Variants in GRM1 observed in about 807,000 individuals in gnomAD.
GRM1 encodes the protein metabotropic glutamate receptor 1.
In GRM1, 33 loss-of-function variants were observed where a neutral mutation model predicts 90.9. The ratio of observed to expected loss-of-function variants is 0.36; its 90% CI spans 0.28 to 0.49. GRM1 has a LOEUF of 0.49. GRM1 is among the 20% of genes least tolerant of loss of function. The probability of loss-of-function intolerance (pLI) is 0.99; values close to 1 mark genes in which losing one functional copy is unlikely to be tolerated. For missense variants in GRM1, 1,190 were observed against 1,534.3 expected (o/e 0.78, Z 3.75); for synonymous variants, 700 against 613.2 (o/e 1.14, Z -2.09).
chr6:146,360,779 A>T (rs759694368), intron 5 of GRM1, among the ~76,000 whole-genome samples: 1 of 152,218 alleles, frequency 6.6e-6, no homozygotes, highest in Middle Eastern at 3.2e-3. Context: ...CTATGCAAGG[A>T]TTAATTGCTA....
chr6:146,254,507 T>G (rs1224334135), intron 2 of GRM1, among the ~76,000 whole-genome samples: 1 of 152,204 alleles, frequency 6.6e-6, no homozygotes, highest in East Asian at 1.9e-4. Context: ...TGACGTGTTT[T>G]GATCACAATC....
intron 1 of GRM1, among the ~76,000 whole-genome samples, chr6:146,095,554 C>T (rs1776847978): frequency 6.6e-6 from 1 of 152,106 alleles, no homozygotes; most frequent in South Asian, 2.1e-4. Flanking sequence ...GAAATATCTT[C>T]ATATTTCTTC....
Position 146,311,762 on chromosome 6 carries a change from T to C in GRM1, c.1186+6916T>C, listed in dbSNP as rs543413662. Among the ~76,000 whole-genome samples the C allele has an allele frequency of 3.3e-5, 5 of 152,324 alleles. No individual in the cohort carries two copies. In the South Asian group the frequency reaches 1.0e-3, roughly 32 times the overall value. On this transcript the variant is annotated intron_variant, in intron 3 of 7. Coordinates refer to ENST00000282753, the MANE Select transcript of GRM1 (RefSeq NM_001278064.2). ...TGATACATGAGTAACAGCATGAACT[T>C]ACAAATTGTGAAAAAAAATACTTTT...
At chr6:146,387,142 C>T (rs1466138629) in intron 6 of GRM1, 126 bp downstream of exon 6, 1 of 925,816 alleles carries the variant, frequency 1.1e-6, no homozygotes, top group Non-Finnish European at 1.8e-6. Flanking sequence ...CTTTTTAGTC[C>T]TCATGTCAAG....
chr6:146,180,858 G>A (rs974507025), intron 2 of GRM1, among the ~76,000 whole-genome samples: 1 of 152,038 alleles, frequency 6.6e-6, no homozygotes, highest in Non-Finnish European at 1.5e-5. Flanking sequence ...AAGCAAAGTC[G>A]ACTCTTGAAT....
At chr6:146,068,663 GGTACAGCCCATCCA>G in intron 1 of GRM1, among the ~76,000 whole-genome samples, 1 of 152,210 alleles carries the variant, frequency 6.6e-6, no homozygotes, top group East Asian at 1.9e-4. Context: ...ACAAACCTAT[GGTACAGCCCATCCA>G]GTTGAGAGTA....
intron 1 of GRM1, among the ~76,000 whole-genome samples, chr6:146,077,050 A>T (rs1776211033): frequency 6.6e-6 from 1 of 152,114 alleles, no homozygotes; most frequent in Non-Finnish European, 1.5e-5. Context: ...TGATAGTAGG[A>T]TATTTCGTTA....
intron 1 of GRM1, among the ~76,000 whole-genome samples, chr6:146,076,602 G>T (rs991543616): frequency 6.6e-6 from 1 of 152,182 alleles, no homozygotes; most frequent in Admixed American, 6.5e-5. Flanking sequence ...GGATGGAGTT[G>T]CACTGAGTGA....
At chr6:146,397,742 T>C (rs1312943480) in intron 6 of GRM1, among the ~76,000 whole-genome samples, 20 of 152,160 alleles carry the variant, frequency 1.3e-4, no homozygotes, top group Admixed American at 1.3e-3. Context: ...TGATCCTGCC[T>C]GAGTGATTAT....
intron 1 of GRM1, among the ~76,000 whole-genome samples, chr6:146,111,667 T>C (rs1775566496): frequency 6.6e-6 from 1 of 152,110 alleles, no homozygotes; most frequent in Non-Finnish European, 1.5e-5. Flanking sequence ...GATAGCCTGG[T>C]TTATTAGAGG....
intron 2 of GRM1, among the ~76,000 whole-genome samples, chr6:146,197,738 T>C (rs771458500): frequency 1.3e-5 from 2 of 152,250 alleles, no homozygotes; most frequent in Non-Finnish European, 2.9e-5. Context: ...GATTTTCTTT[T>C]CTATTTGTAA....
chr6:146,162,414 G>T (rs1248293647), intron 2 of GRM1, among the ~76,000 whole-genome samples: 1 of 152,098 alleles, frequency 6.6e-6, no homozygotes, highest in Non-Finnish European at 1.5e-5. Flanking sequence ...AACTCGTCTT[G>T]ACACTACCAT....
chr6:146,352,512 A>T lies in GRM1; in HGVS notation c.1433+16A>T. 6.2e-6 allele frequency: 10 copies of T among 1,612,814 alleles called. No individual in the cohort carries two copies. Among genetic ancestry groups the T allele is most frequent in the Non-Finnish European group, 8.5e-6 (10 of 1,179,372 alleles). Reference sequence around the variant, plus strand: ...CTCCTGGAAGGTAATCTTTTCAGTAATCAATCTAAGTAACCTTGTGAGCCT... The same window carrying T: ...CTCCTGGAAGGTAATCTTTTCAGTATTCAATCTAAGTAACCTTGTGAGCCT... On this transcript the variant is annotated intron_variant, in intron 4 of 7. Coordinates refer to ENST00000282753, the MANE Select transcript of GRM1 (RefSeq NM_001278064.2).
At chr6:146,213,449 A>G (rs1779748226) in intron 2 of GRM1, among the ~76,000 whole-genome samples, 3 of 152,206 alleles carry the variant, frequency 2.0e-5, no homozygotes, top group African/African-American at 7.2e-5. Flanking sequence ...TGCTTGTAGT[A>G]TAGATGACAG....
chr6:146,416,749 G>C (rs1373283523), intron 7 of GRM1, among the ~76,000 whole-genome samples: 2 of 152,068 alleles, frequency 1.3e-5, no homozygotes, highest in Non-Finnish European at 1.5e-5. Context: ...GCTATCCGGG[G>C]GTCCTGGCTG....
chr6:146,043,782 G>GATATTTATATATATATATAT (rs1791204004), intron 1 of GRM1, among the ~76,000 whole-genome samples: 1 of 89,984 alleles, frequency 1.1e-5, no homozygotes. Flanking sequence ...AGAGTCAGGT[G>GATATTTATATATATATATAT]ATATATATAT....
intron 7 of GRM1, among the ~76,000 whole-genome samples, chr6:146,428,738 A>G (rs575579041): frequency 6.6e-6 from 1 of 152,326 alleles, no homozygotes; most frequent in South Asian, 2.1e-4. Flanking sequence ...TGTCTTAAAT[A>G]GACTTTGGTA....
intron 7 of GRM1, among the ~76,000 whole-genome samples, chr6:146,405,655 T>C (rs907853456): frequency 2.6e-5 from 4 of 152,102 alleles, no homozygotes; most frequent in African/African-American, 9.7e-5. Flanking sequence ...ATAGAGGATA[T>C]AGATAGCAAT....
rs116884597 is a variant in GRM1 at position 146,112,440 on chromosome 6, G to A, written c.701-46908G>A. ...TGAGTTCTCTATTGAGATACATACT[G>A]TTACTTAGATTTTGAAGGTTTATTT... is the stretch of plus-strand genomic sequence containing the variant. On this transcript the variant is annotated intron_variant, in intron 1 of 7. Transcript: ENST00000282753. Among the ~76,000 whole-genome samples the A allele has an allele frequency of 9.5e-3, 1,441 of 152,040 alleles. 9 individuals carry two copies. The highest frequency in any genetic ancestry group is 0.018 in the Admixed American group (280 of 15,264).
Sources: allele counts gnomAD v4.1 joint callset (sites outside exome capture counted in the v4.1 genomes callset), GRCh38; gene constraint gnomAD v4.1.1; transcripts MANE v1.5; gene names NCBI Gene and HGNC (gene_info 2026-07-23, HGNC 2026-07-21).